TECPR2: variants seen among roughly 807,000 people sequenced by gnomAD.
TECPR2 encodes the protein tectonin beta-propeller repeat-containing protein 2.
Under a neutral mutation model 138.1 loss-of-function variants are expected in TECPR2, and 65 were observed. That is an observed-to-expected ratio of 0.47 (90% CI 0.39 to 0.58). TECPR2 has a LOEUF of 0.58. Among genes scored for constraint, TECPR2 ranks in the 20% least tolerant of loss-of-function variants. The pLI is 0.00. For missense variants in TECPR2, 1,553 were observed against 1,824.5 expected (o/e 0.85, Z 2.71); for synonymous variants, 746 against 749.8 (o/e 0.99, Z 0.08).
In TECPR2 at chr14:102,465,125, T is replaced by C. The variant is rs1237428019; in HGVS notation, c.3641-16T>C. 2 of 1,613,820 alleles carry C rather than the reference T, an allele frequency of 1.2e-6. No individual in the cohort carries two copies. The highest frequency in any genetic ancestry group is 1.7e-6 in the Non-Finnish European group (2 of 1,179,908). On this transcript the variant is annotated splice_polypyrimidine_tract_variant and intron_variant, in intron 16 of 19. Transcript: ENST00000359520. ...ACAAAAGTAATTATAGTGTGTGTAC[T>C]TTTCTTTATCTACAGGAGCTGTAAA...
At chr14:102,396,104 CT>C (rs5811067) in intron 2 of TECPR2, among the ~76,000 whole-genome samples, 45,740 of 136,136 alleles carry the variant, frequency 0.34, 7,099 homozygotes, top group East Asian at 0.45. Flanking sequence ...CTTTAGTACT[CT>C]TTTTTTTTTT....
At chr14:102,409,594 C>T (rs1031546731) in intron 4 of TECPR2, among the ~76,000 whole-genome samples, 8 of 150,258 alleles carry the variant, frequency 5.3e-5, no homozygotes, top group Admixed American at 5.3e-4. Context: ...CCACCACGCC[C>T]AGCCAAGAAT....
chr14:102,491,486 T>G (rs1328272263), intron 17 of TECPR2, among the ~76,000 whole-genome samples: 1 of 152,226 alleles, frequency 6.6e-6, no homozygotes, highest in Non-Finnish European at 1.5e-5. Flanking sequence ...AGTGCTGGCA[T>G]TACAGGTATG....
At chr14:102,445,391 G>A (rs1180768614) in intron 12 of TECPR2, among the ~76,000 whole-genome samples, 7 of 149,940 alleles carry the variant, frequency 4.7e-5, no homozygotes, top group Non-Finnish European at 1.0e-4. Flanking sequence ...AAGGAGTAGA[G>A]AGATGGAGGC....
intron 8 of TECPR2, among the ~76,000 whole-genome samples, chr14:102,433,892 G>A (rs546494711): frequency 6.6e-6 from 1 of 152,256 alleles, no homozygotes; most frequent in African/African-American, 2.4e-5. Flanking sequence ...CTTGGTTCCT[G>A]TTAATCCTCT....
rs1464300620 is a variant in TECPR2, at chr14:102,435,049, A to G, written c.2232A>G (p.Pro744=). ...STHKPWLEQP[P]RDQTLTSSDE... ...ACAAGCCCTGGCTTGAGCAGCCTCC[A>G]CGGGATCAGACATTGACGTCCAGCG... The change falls in exon 9 of 20, where the codon CCA becomes CCG. Residue 744 remains proline, a synonymous_variant. Transcript: ENST00000359520. The G allele has an allele frequency of 4.3e-6, 7 of 1,614,044 alleles. No homozygotes were observed. Among genetic ancestry groups the G allele is most frequent in the Non-Finnish European group, 5.1e-6 (6 of 1,180,036 alleles).
At chr14:102,445,726 A>G (rs1889957236) in intron 12 of TECPR2, 80 bp from the exon 13 acceptor site, 2 of 1,481,680 alleles carry the variant, frequency 1.3e-6, no homozygotes, top group Admixed American at 2.1e-5. Context: ...CTGCCGGGAG[A>G]CCCTGGATGT....
intron 2 of TECPR2, among the ~76,000 whole-genome samples, chr14:102,382,977 C>T (rs1042969247): frequency 1.3e-5 from 2 of 152,140 alleles, no homozygotes; most frequent in South Asian, 2.1e-4. Context: ...AGGCTGGTCT[C>T]GAACGCCAGA....
intron 2 of TECPR2, 151 bp downstream of exon 2, chr14:102,377,091 T>C (rs923013522): frequency 4.9e-6 from 4 of 819,532 alleles, no homozygotes; most frequent in Non-Finnish European, 7.5e-6. Context: ...CATCTTTAGC[T>C]GAAGTGGAAT....
intron 17 of TECPR2, among the ~76,000 whole-genome samples, chr14:102,494,147 C>T (rs1891221596): frequency 6.6e-6 from 1 of 152,224 alleles, no homozygotes; most frequent in Admixed American, 6.5e-5. Flanking sequence ...GTGCCTGTAA[C>T]TTGGGCAAAT....
intron 16 of TECPR2, among the ~76,000 whole-genome samples, chr14:102,453,388 G>C (rs1350042453): frequency 6.6e-6 from 1 of 152,004 alleles, no homozygotes; most frequent in Non-Finnish European, 1.5e-5. Flanking sequence ...GCTGAGGCAG[G>C]AGAATTGCTT....
intron 17 of TECPR2, among the ~76,000 whole-genome samples, chr14:102,477,715 A>C (rs76692544): frequency 7.6e-4 from 91 of 120,416 alleles, no homozygotes; most frequent in Non-Finnish European, 1.4e-4. Context: ...CATGCCCGGC[A>C]AATTTTTTTT....
At chr14:102,452,305 T>A in intron 15 of TECPR2, 89 bp from the exon 16 acceptor site, 1 of 1,354,210 alleles carries the variant, frequency 7.4e-7, no homozygotes, top group Non-Finnish European at 1.0e-6. Flanking sequence ...GGCTAGCGTC[T>A]GCTGAAAGGC....
In TECPR2 at chr14:102,484,223, C is replaced by T. The variant is rs541388923; in HGVS notation, c.3790-12756C>T. Among the ~76,000 whole-genome samples the T allele has an allele frequency of 4.3e-4, 65 of 152,218 alleles. 1 individual carries two copies. Among genetic ancestry groups the T allele is most frequent in the African/African-American group, 1.5e-3 (62 of 41,530 alleles). On this transcript the variant is annotated intron_variant, in intron 17 of 19. Coordinates refer to ENST00000359520, the MANE Select transcript of TECPR2 (RefSeq NM_014844.5). Reference sequence around the variant, plus strand: ...CATTCTCAACCTTATTTCTCCAACCCTCTGTCAGATTATTTCCATGATCAC... The same window carrying T: ...CATTCTCAACCTTATTTCTCCAACCTTCTGTCAGATTATTTCCATGATCAC...
intron 17 of TECPR2, among the ~76,000 whole-genome samples, chr14:102,479,923 C>T (rs1890849205): frequency 6.6e-6 from 1 of 152,230 alleles, no homozygotes; most frequent in Non-Finnish European, 1.5e-5. Flanking sequence ...AGGGAGACTG[C>T]AGCATCCTGG....
chr14:102,417,811 G>A (rs1889068076), intron 5 of TECPR2, among the ~76,000 whole-genome samples: 1 of 150,434 alleles, frequency 6.6e-6, no homozygotes, highest in Admixed American at 6.6e-5. Context: ...GTCCAGGGGA[G>A]CCTGGCATGG....
intron 4 of TECPR2, among the ~76,000 whole-genome samples, chr14:102,410,684 C>T (rs1201138039): frequency 6.6e-6 from 1 of 152,190 alleles, no homozygotes; most frequent in African/African-American, 2.4e-5. Flanking sequence ...ACTAGACCAA[C>T]TTAGACTGTG....
intron 17 of TECPR2, among the ~76,000 whole-genome samples, chr14:102,488,342 T>A (rs1052010307): frequency 1.1e-4 from 17 of 151,406 alleles, no homozygotes; most frequent in South Asian, 2.1e-4. Flanking sequence ...TAATTGAATT[T>A]TTTTTTATTT....
chr14:102,492,379 G>A (rs994069604), intron 17 of TECPR2, among the ~76,000 whole-genome samples: 1 of 152,212 alleles, frequency 6.6e-6, no homozygotes, highest in East Asian at 1.9e-4. Context: ...AGCCAGGGCC[G>A]GGGCTCTCCT....
Sources: gnomAD v4.1 joint callset for allele counts (sites outside exome capture counted in the v4.1 genomes callset) on GRCh38, gnomAD v4.1.1 for gene constraint, MANE v1.5 for transcripts, NCBI Gene and HGNC (gene_info 2026-07-23, HGNC 2026-07-21) for gene names.